YWHAB: variants seen among roughly 807,000 people sequenced by gnomAD.
The protein encoded by YWHAB is 14-3-3 protein beta/alpha.
YWHAB carries 2 observed loss-of-function variants against 28.5 expected under a neutral mutation model. That is an observed-to-expected ratio of 0.07 (90% CI 0.03 to 0.22). YWHAB has a LOEUF of 0.22. Among genes scored for constraint, YWHAB ranks in the 10% least tolerant of loss-of-function variants. The probability of loss-of-function intolerance (pLI) is 1.00; values close to 1 mark genes in which losing one functional copy is unlikely to be tolerated. For missense variants in YWHAB, 148 were observed against 297.1 expected (o/e 0.50, Z 3.69); for synonymous variants, 103 against 104.7 (o/e 0.98, Z 0.10).
chr20:44,897,598 T>G (rs2066603470), intron 1 of YWHAB, among the ~76,000 whole-genome samples: 1 of 152,210 alleles, frequency 6.6e-6, no homozygotes, highest in Non-Finnish European at 1.5e-5. Context: ...TGGTCATCCT[T>G]TGGTATCCAG....
intron 1 of YWHAB, among the ~76,000 whole-genome samples, chr20:44,894,851 C>T (rs1018773634): frequency 2.0e-5 from 3 of 152,256 alleles, no homozygotes; most frequent in African/African-American, 7.2e-5. Flanking sequence ...GACACACAGT[C>T]CTGCTGCCTT....
intron 3 of YWHAB, among the ~76,000 whole-genome samples, chr20:44,904,330 G>T (rs927583161): frequency 1.3e-5 from 2 of 152,130 alleles, no homozygotes; most frequent in African/African-American, 4.8e-5. Context: ...AACCTGGTGC[G>T]CAGTGTATTT....
intron 1 of YWHAB, among the ~76,000 whole-genome samples, chr20:44,893,303 T>C (rs908000650): frequency 6.6e-6 from 1 of 152,188 alleles, no homozygotes; most frequent in Non-Finnish European, 1.5e-5. Flanking sequence ...TTGAAGAAAA[T>C]CCTATTTTGT....
At chr20:44,893,471 T>G (rs1322019258) in intron 1 of YWHAB, among the ~76,000 whole-genome samples, 2 of 152,132 alleles carry the variant, frequency 1.3e-5, no homozygotes, top group Non-Finnish European at 2.9e-5. Flanking sequence ...AAAATGAGGA[T>G]ATAATAATGT....
At chr20:44,892,958 T>C (rs2066571888) in intron 1 of YWHAB, among the ~76,000 whole-genome samples, 2 of 152,250 alleles carry the variant, frequency 1.3e-5, no homozygotes, top group Admixed American at 1.3e-4. Context: ...CTTATTATTT[T>C]CGAATCGAGC....
chr20:44,902,686 T>G (rs1277069356), intron 2 of YWHAB: 2 of 152,172 alleles, frequency 1.3e-5, no homozygotes, highest in East Asian at 1.9e-4. Flanking sequence ...CCTAACCTAT[T>G]AGGAGTTACA....
chr20:44,897,564 A>G (rs1320907727), intron 1 of YWHAB, among the ~76,000 whole-genome samples: 2 of 152,246 alleles, frequency 1.3e-5, no homozygotes, highest in African/African-American at 2.4e-5. Context: ...CTTATGGTCA[A>G]GAAAGTTAGA....
Position 44,906,471 on chromosome 20 carries a change from A to G in YWHAB, c.*33A>G. ...CGTGCTTTGTGATCTGTTCAGTGTC[A>G]CTCTGTACCCTCAACATATATCCCT... On this transcript the variant is annotated 3_prime_UTR_variant, in exon 6 of 6. Transcript: ENST00000353703. 6.5e-7 allele frequency: 1 copy of G among 1,533,692 alleles called. No homozygotes were observed.
At chr20:44,899,464 A>C (rs948661911) in intron 1 of YWHAB, among the ~76,000 whole-genome samples, 2 of 152,236 alleles carry the variant, frequency 1.3e-5, no homozygotes, top group Non-Finnish European at 2.9e-5. Flanking sequence ...TGGGTGACAG[A>C]GTGAGACTCT....
chr20:44,896,850 G>C (rs2066598938), intron 1 of YWHAB, among the ~76,000 whole-genome samples: 1 of 151,628 alleles, frequency 6.6e-6, no homozygotes, highest in Non-Finnish European at 1.5e-5. Flanking sequence ...TGTTATATAA[G>C]TCAAAAGTTA....
intron 1 of YWHAB, among the ~76,000 whole-genome samples, chr20:44,892,412 C>T (rs2066568263): frequency 6.6e-6 from 1 of 151,892 alleles, no homozygotes; most frequent in Non-Finnish European, 1.5e-5. Flanking sequence ...AACCCTTAAA[C>T]GTGTGCTGTT....
chr20:44,894,279 C>T (rs534332072), intron 1 of YWHAB, among the ~76,000 whole-genome samples: 2 of 152,168 alleles, frequency 1.3e-5, no homozygotes, highest in African/African-American at 2.4e-5. Flanking sequence ...AGTTTGCCTG[C>T]GCCAGTATCT....
chr20:44,894,552 T>C (rs1156958909), intron 1 of YWHAB, among the ~76,000 whole-genome samples: 2 of 152,258 alleles, frequency 1.3e-5, no homozygotes, highest in Non-Finnish European at 2.9e-5. Context: ...ACAAGATTAA[T>C]CTAGACTTTT....
At position 44,908,163 on chromosome 20, in the gene YWHAB, A is replaced by T. The variant is rs1259566356; in HGVS notation, c.*1725A>T. The T allele has an allele frequency of 2.2e-5, 3 of 133,464 alleles. No homozygotes were observed. Among genetic ancestry groups the T allele is most frequent in the African/African-American group, 9.6e-5 (3 of 31,404 alleles). 8.3% of individuals were successfully genotyped at this position (133,464 alleles called of 1,614,324 possible). On this transcript the variant is annotated 3_prime_UTR_variant, in exon 6 of 6. Transcript: ENST00000353703. ...CACTGATTTAAAACAAACCAAAAAA[A>T]AAGAAAAAAACAAAAAAAAAAATCC... is the stretch of plus-strand genomic sequence containing the variant.
intron 1 of YWHAB, among the ~76,000 whole-genome samples, chr20:44,897,701 G>A (rs1203852116): frequency 2.0e-5 from 3 of 152,128 alleles, no homozygotes; most frequent in African/African-American, 4.8e-5. Flanking sequence ...CACCACGGTT[G>A]GTTGAATCTG....
intron 1 of YWHAB, among the ~76,000 whole-genome samples, chr20:44,895,516 T>C (rs1268165201): frequency 6.6e-6 from 1 of 152,220 alleles, no homozygotes; most frequent in East Asian, 1.9e-4. Flanking sequence ...TCACCCAGGC[T>C]GGAGTGCAGT....
intron 1 of YWHAB, among the ~76,000 whole-genome samples, chr20:44,888,486 A>G (rs950439395): frequency 6.6e-6 from 1 of 152,226 alleles, no homozygotes; most frequent in Non-Finnish European, 1.5e-5. Flanking sequence ...TGCCAGAACC[A>G]GGAATGAAAC....
At chr20:44,900,852 T>G (rs1295685235) in intron 1 of YWHAB, among the ~76,000 whole-genome samples, 1 of 152,164 alleles carries the variant, frequency 6.6e-6, no homozygotes. Flanking sequence ...CTCGGCCCAC[T>G]GCAACCTCTG....
In YWHAB at chr20:44,907,563, A is replaced by G. The variant is rs1279254680; in HGVS notation, c.*1125A>G. On this transcript the variant is annotated 3_prime_UTR_variant, in exon 6 of 6. Transcript: ENST00000353703. ...CTAGCTCGGGGCTTTTAAATTTTGA[A>G]ATCTAAACATTCTTTCCCACCATCC... 6.6e-6 allele frequency: 1 copy of G among 152,178 alleles called. No homozygotes were observed. Among genetic ancestry groups the G allele is most frequent in the Admixed American group, 6.5e-5 (1 of 15,278 alleles). 9.4% of individuals were successfully genotyped at this position (152,178 alleles called of 1,614,324 possible). A position where few individuals can be genotyped will look rare whatever the true frequency, so the allele number is the denominator to read the frequency against.
Sources: gnomAD v4.1 joint callset for allele counts (sites outside exome capture counted in the v4.1 genomes callset) on GRCh38, gnomAD v4.1.1 for gene constraint, MANE v1.5 for transcripts, NCBI Gene and HGNC (gene_info 2026-07-23, HGNC 2026-07-21) for gene names.